Variants in ARHGEF10L observed in about 807,000 individuals in gnomAD.
ARHGEF10L encodes the protein Rho guanine nucleotide exchange factor 10 like.
In ARHGEF10L, 69 loss-of-function variants were observed where a neutral mutation model predicts 141.2. The ratio of observed to expected loss-of-function variants is 0.49; its 90% CI spans 0.40 to 0.60. The LOEUF (loss-of-function observed/expected upper bound fraction) is 0.60, where lower values mean the gene tolerates loss of function less well. Among genes scored for constraint, ARHGEF10L ranks in the 20% least tolerant of loss-of-function variants. The pLI is 0.00. For synonymous variants in ARHGEF10L, 711 were observed against 718.5 expected (o/e 0.99, Z 0.17); for missense variants, 1,482 against 1,734.3 (o/e 0.85, Z 2.58).
chr1:17,638,086 C>A, intron 19 of ARHGEF10L, 83 bp downstream of exon 19: 2 of 1,260,686 alleles, frequency 1.6e-6, no homozygotes, highest in Non-Finnish European at 1.1e-6. Context: ...TAGGGAGGGG[C>A]TCCTCTCCTG....
chr1:17,629,375 TGA>T (rs936676401), intron 15 of ARHGEF10L, among the ~76,000 whole-genome samples: 3 of 152,074 alleles, frequency 2.0e-5, no homozygotes, highest in African/African-American at 7.2e-5. Context: ...ATTTAAAAAT[TGA>T]GAGAGATCCT....
chr1:17,609,907 A>C (rs1000462042), intron 7 of ARHGEF10L, among the ~76,000 whole-genome samples: 1 of 152,166 alleles, frequency 6.6e-6, no homozygotes, highest in Admixed American at 6.6e-5. Context: ...CACTCCCCCC[A>C]GTAGCCTCTC....
intron 16 of ARHGEF10L, 140 bp downstream of exon 16, chr1:17,632,606 C>T: frequency 8.7e-7 from 1 of 1,144,918 alleles, no homozygotes; most frequent in East Asian, 2.4e-5. Context: ...TCTCCCATCC[C>T]TCTTGCCCTG....
intron 26 of ARHGEF10L, among the ~76,000 whole-genome samples, chr1:17,671,048 C>T (rs1030591497): frequency 6.6e-5 from 10 of 152,274 alleles, no homozygotes; most frequent in African/African-American, 2.4e-4. Flanking sequence ...CTGCAATTAT[C>T]TCCTTGAGTG....
chr1:17,640,330 C>G (rs1486369795), intron 21 of ARHGEF10L, 28 bp downstream of exon 21: 3 of 1,574,372 alleles, frequency 1.9e-6, no homozygotes, highest in Non-Finnish European at 1.7e-6. Flanking sequence ...GAGAGTGCCT[C>G]AGGGGGCAGG....
the ARHGEF10L span, among the ~76,000 whole-genome samples, chr1:17,532,634 G>C: frequency 7.5e-6 from 1 of 133,436 alleles, no homozygotes. Context: ...TTGCTCTGTT[G>C]CCCGGGCTGG....
intron 1 of ARHGEF10L, among the ~76,000 whole-genome samples, chr1:17,574,633 C>T (rs1203351482): frequency 2.6e-5 from 4 of 152,162 alleles, no homozygotes; most frequent in African/African-American, 4.8e-5. Flanking sequence ...ATACCAAGGC[C>T]GGGTTCCTGT....
chr1:17,542,669 C>T (rs367897041), intron 1 of ARHGEF10L, among the ~76,000 whole-genome samples: 3 of 152,096 alleles, frequency 2.0e-5, no homozygotes, highest in African/African-American at 7.2e-5. Context: ...AAGATAATAA[C>T]GTGGATTTAT....
intron 19 of ARHGEF10L, 66 bp from the exon 20 acceptor site, chr1:17,638,496 G>A: frequency 6.2e-7 from 1 of 1,605,510 alleles, no homozygotes. Context: ...ATTCCTATAG[G>A]ATCTGGTGTG....
chr1:17,560,340 A>C (rs1302478412), intron 1 of ARHGEF10L, among the ~76,000 whole-genome samples: 2 of 152,172 alleles, frequency 1.3e-5, no homozygotes, highest in Non-Finnish European at 2.9e-5. Context: ...CCCCACCTGG[A>C]TCTCCAGCTG....
chr1:17,654,731 C>G lies in ARHGEF10L; in HGVS notation c.2481+9C>G, dbSNP rs781697942. 3.1e-6 allele frequency: 5 copies of G among 1,611,572 alleles called. No homozygotes were observed. In the Admixed American group the frequency reaches 8.3e-5, roughly 27 times the overall value. On this transcript the variant is annotated intron_variant, in intron 23 of 28. Transcript: ENST00000361221. The surrounding 1 kb of genome is among the most constrained non-coding windows in gnomAD (Gnocchi z 4.3). ...CACAGGGCTACCTCTGGGTGAGTCA[C>G]CCCCCTGCCCAGCTGGGCATTCTGG... is the stretch of plus-strand genomic sequence containing the variant.
rs2059763403 is a variant in ARHGEF10L at position 17,615,589 on chromosome 1, A to G, written c.727-505A>G. 1 of 153,778 alleles carries G rather than the reference A, an allele frequency of 6.5e-6. No homozygotes were observed. The highest frequency in any genetic ancestry group is 1.4e-5 in the Non-Finnish European group (1 of 68,994). The allele number at this position is 153,778 out of a possible 1,614,324, so 9.5% of individuals were successfully genotyped here. A position where few individuals can be genotyped will look rare whatever the true frequency, so the allele number is the denominator to read the frequency against. On this transcript the variant is annotated intron_variant, in intron 8 of 28. Transcript: ENST00000361221. This position sits in a 1 kb window ranked among gnomAD's most constrained non-coding sequence, Gnocchi z 4.7. ...GCACACACCTCCTTTAGTTGCTCCTAAGGTCATGTTCAACATTCGTGGAGT... is the reference window on the plus strand; with the variant it reads ...GCACACACCTCCTTTAGTTGCTCCTGAGGTCATGTTCAACATTCGTGGAGT...
At chr1:17,681,411 A>T (rs1401336700) in intron 26 of ARHGEF10L, among the ~76,000 whole-genome samples, 2 of 152,240 alleles carry the variant, frequency 1.3e-5, no homozygotes, top group South Asian at 4.1e-4. Flanking sequence ...CCCAAATGCC[A>T]TCCAGGATCC....
chr1:17,513,505 C>A, the ARHGEF10L span, among the ~76,000 whole-genome samples: 2 of 152,088 alleles, frequency 1.3e-5, no homozygotes, highest in Admixed American at 6.6e-5. Context: ...TCCTTTGGAC[C>A]CAAGACTGCT....
chr1:17,534,159 G>A, the ARHGEF10L span, among the ~76,000 whole-genome samples: 2 of 151,738 alleles, frequency 1.3e-5, no homozygotes, highest in African/African-American at 4.8e-5. Context: ...GTCTCACTTT[G>A]TCACCCAGGC....
At chr1:17,521,127 C>G in the ARHGEF10L span, among the ~76,000 whole-genome samples, 1 of 152,216 alleles carries the variant, frequency 6.6e-6, no homozygotes, top group Non-Finnish European at 1.5e-5. Context: ...AGGCCATGAA[C>G]CTCTGACAGG....
chr1:17,532,816 A>G, the ARHGEF10L span, among the ~76,000 whole-genome samples: 1 of 151,794 alleles, frequency 6.6e-6, no homozygotes, highest in African/African-American at 2.4e-5. Flanking sequence ...GCTCGTCTTG[A>G]ACTCCTGACC....
intron 2 of ARHGEF10L, among the ~76,000 whole-genome samples, chr1:17,581,334 AAAAG>A (rs1323013369): frequency 4.3e-4 from 61 of 142,352 alleles, no homozygotes; most frequent in African/African-American, 1.5e-3. Context: ...AAAAAAAAAG[AAAAG>A]AGAAAAAGAA....
At chr1:17,641,717 G>A (rs981202121) in intron 21 of ARHGEF10L, among the ~76,000 whole-genome samples, 4 of 151,866 alleles carry the variant, frequency 2.6e-5, no homozygotes, top group Non-Finnish European at 5.9e-5. Context: ...GGTGGCTCGC[G>A]CCTGTAATCC....
Sources: gnomAD v4.1 joint callset for allele counts (sites outside exome capture counted in the v4.1 genomes callset) on GRCh38, gnomAD v4.1.1 for gene constraint, Gnocchi (gnomAD v3.1) non-coding constraint, MANE v1.5 for transcripts, NCBI Gene and HGNC (gene_info 2026-07-23, HGNC 2026-07-21) for gene names.